DST: variants seen among roughly 807,000 people sequenced by gnomAD.
DST encodes the protein dystonin, also known as bullous pemphigoid antigen.
In DST, 253 loss-of-function variants were observed where a neutral mutation model predicts 875.2. The ratio of observed to expected loss-of-function variants is 0.29; its 90% CI spans 0.26 to 0.32. The LOEUF (loss-of-function observed/expected upper bound fraction) is 0.32, where lower values mean the gene tolerates loss of function less well. DST is among the 10% of genes least tolerant of loss of function. The pLI is 1.00. For missense variants in DST, 8,287 were observed against 9,111.6 expected (o/e 0.91, Z 3.68); for synonymous variants, 3,124 against 3,197.1 (o/e 0.98, Z 0.77).
At chr6:56,466,428 T>C (rs566058026) in intron 98 of DST, 7 of 341,368 alleles carry the variant, frequency 2.1e-5, no homozygotes, top group African/African-American at 8.4e-5. Flanking sequence ...TTATCAAGTA[T>C]ACTACCAAAG....
intron 4 of DST, among the ~76,000 whole-genome samples, chr6:56,750,111 C>G (rs963302805): frequency 2.0e-5 from 3 of 152,180 alleles, no homozygotes; most frequent in African/African-American, 7.2e-5. Context: ...TGCCCGCAGA[C>G]TTCTCTCTGA....
intron 36 of DST, among the ~76,000 whole-genome samples, chr6:56,622,703 A>G (rs1229940269): frequency 6.6e-6 from 1 of 152,148 alleles, no homozygotes; most frequent in Non-Finnish European, 1.5e-5. Context: ...ATTTGCATAA[A>G]AATAACTTCC....
At position 56,633,306 on chromosome 6, in the gene DST, A is replaced by C. The variant is rs886689733; in HGVS notation, c.3622-269T>G. ...CAGTGGCGGGATCTCGGCTCACTGC[A>C]AGCTCCGCCTCCCGGGTTCACGCCA... On this transcript the variant is annotated intron_variant, in intron 27 of 103. Coordinates refer to ENST00000680361, the MANE Select transcript of DST (RefSeq NM_001374736.1). 4.1e-5 allele frequency among the ~76,000 whole-genome samples: 6 copies of C among 145,378 alleles called. No homozygotes were observed. The East Asian group carries it at 1.2e-3, about 29-fold the overall frequency.
At chr6:56,617,507 T>C in intron 36 of DST, 1 of 1,221,716 alleles carries the variant, frequency 8.2e-7, no homozygotes, top group Admixed American at 1.7e-5. Flanking sequence ...ATTCTTTGAA[T>C]TACAAAGACA....
chr6:56,772,373 C>T (rs2099668394), intron 4 of DST, among the ~76,000 whole-genome samples: 1 of 152,154 alleles, frequency 6.6e-6, no homozygotes, highest in Non-Finnish European at 1.5e-5. Flanking sequence ...TGTGATGATA[C>T]TGCCCATACT....
chr6:56,930,588 T>A (rs1809665999), intron 2 of DST, among the ~76,000 whole-genome samples: 2 of 152,196 alleles, frequency 1.3e-5, no homozygotes, highest in Admixed American at 1.3e-4. Context: ...TAAAACAGAT[T>A]CTAGACGGGC....
chr6:56,864,241 C>T (rs534282009), intron 3 of DST, among the ~76,000 whole-genome samples: 1 of 152,292 alleles, frequency 6.6e-6, no homozygotes, highest in South Asian at 2.1e-4. Context: ...CAGCTCTTTC[C>T]TGAATTTCTA....
rs1045187152 is a variant in DST at position 56,843,210 on chromosome 6, T to C, written c.625+8187A>G. The C allele has an allele frequency of 9.8e-6, 14 of 1,421,398 alleles. No homozygotes were observed. The African/African-American group carries it at 2.0e-4, about 20-fold the overall frequency. The allele number at this position is 1,421,398 out of a possible 1,614,324, so 88.0% of individuals were successfully genotyped here. A position where few individuals can be genotyped will look rare whatever the true frequency, so the allele number is the denominator to read the frequency against. On this transcript the variant is annotated intron_variant, in intron 4 of 103. Transcript: ENST00000680361. ...TCCCCCTCGTAACCCCCGGACAGTA[T>C]CGCAGTCAGCAAGACACAGCCTTGG...
chr6:56,725,741 T>G (rs2099452458), intron 5 of DST, among the ~76,000 whole-genome samples: 1 of 152,212 alleles, frequency 6.6e-6, no homozygotes, highest in Non-Finnish European at 1.5e-5. Context: ...GACCAGTTCT[T>G]GTTCTACATT....
chr6:56,509,557 AT>A, intron 74 of DST, 84 bp downstream of exon 74: 1 of 1,029,184 alleles, frequency 9.7e-7, no homozygotes, highest in Non-Finnish European at 1.4e-6. Flanking sequence ...AAGATGCGGC[AT>A]TTTGTTATCC....
intron 36 of DST, chr6:56,616,976 T>C: frequency 6.2e-7 from 1 of 1,605,342 alleles, no homozygotes; most frequent in Non-Finnish European, 8.5e-7. Flanking sequence ...AGCCACCATT[T>C]TGTCTATTAT....
Position 56,459,074 on chromosome 6 carries a change from C to T in DST, c.23388G>A (p.Lys7796=). The T allele has an allele frequency of 6.2e-7, 1 of 1,613,990 alleles. No homozygotes were observed. Among genetic ancestry groups the T allele is most frequent in the African/African-American group, 1.3e-5 (1 of 75,040 alleles). The change falls in exon 104 of 104, where the codon AAG becomes AAA. Residue 7796 remains lysine (K), a synonymous_variant. Transcript: ENST00000680361. ...PRAGSRPSTA[K]PSKIPTPQRK... is the part of the protein sequence containing the mutation. ...TCTGGGGCGTGGGGATTTTTGAAGG[C>T]TTCGCTGTGGATGGCCGAGAACCTG...
At chr6:56,907,040 T>C (rs1284283102) in intron 2 of DST, among the ~76,000 whole-genome samples, 1 of 152,176 alleles carries the variant, frequency 6.6e-6, no homozygotes, top group African/African-American at 2.4e-5. Flanking sequence ...GTACATCTCA[T>C]GGGTAAGCCC....
chr6:56,498,097 G>T, intron 80 of DST, 44 bp from the exon 81 acceptor site: 3 of 1,528,822 alleles, frequency 2.0e-6, no homozygotes, highest in South Asian at 1.2e-5. Flanking sequence ...TTTGTAACAT[G>T]TTAATATCAT....
intron 4 of DST, among the ~76,000 whole-genome samples, chr6:56,822,538 C>T (rs1591180111): frequency 1.3e-5 from 2 of 152,274 alleles, no homozygotes; most frequent in East Asian, 3.9e-4. Flanking sequence ...TGTAAAGAAA[C>T]TGTATGAAGC....
chr6:56,769,869 T>C (rs2099644862), intron 4 of DST, among the ~76,000 whole-genome samples: 1 of 152,182 alleles, frequency 6.6e-6, no homozygotes, highest in East Asian at 1.9e-4. Context: ...TCAAAAAGCT[T>C]ATTCTCTTAT....
chr6:56,636,169 A>G (rs1275106277), intron 23 of DST, among the ~76,000 whole-genome samples: 1 of 151,886 alleles, frequency 6.6e-6, no homozygotes, highest in Non-Finnish European at 1.5e-5. Context: ...CTGCATTAAC[A>G]GAATACTTCA....
chr6:56,593,684 C>A lies in DST; in HGVS notation c.12705G>T (p.Arg4235=), dbSNP rs1469264063. The A allele has an allele frequency of 6.2e-7, 1 of 1,602,906 alleles. No homozygotes were observed. Among genetic ancestry groups the A allele is most frequent in the South Asian group, 1.1e-5 (1 of 89,830 alleles). ...VQRKLDHATD[R]FRSLYSKCNV... ...TTACCTTAGAGTAGAGAGACCTGAA[C>A]CGATCAGTAGCATGATCCAACTTGC... Residue 4235 remains arginine (R), a synonymous_variant, in exon 48 of 104, where the codon CGG becomes CGT. Coordinates refer to ENST00000680361, the MANE Select transcript of DST (RefSeq NM_001374736.1).
intron 4 of DST, among the ~76,000 whole-genome samples, chr6:56,783,132 C>T (rs1170354880): frequency 3.3e-5 from 5 of 152,022 alleles, no homozygotes; most frequent in Admixed American, 6.6e-5. Flanking sequence ...CTGAGGAGAG[C>T]TTTACTTCCA....
Sources: allele counts gnomAD v4.1 joint callset (sites outside exome capture counted in the v4.1 genomes callset), GRCh38; gene constraint gnomAD v4.1.1; transcripts MANE v1.5; gene names NCBI Gene and HGNC (gene_info 2026-07-23, HGNC 2026-07-21).